Variants in MDGA2 observed in about 807,000 individuals in gnomAD.
MDGA2 encodes the protein MAM domain containing glycosylphosphatidylinositol anchor 2.
A neutral mutation model predicts 117.8 loss-of-function variants in MDGA2; 40 were observed. The observed-to-expected ratio is 0.34, with a 90% CI of 0.26 to 0.44. The LOEUF (loss-of-function observed/expected upper bound fraction) is 0.44, where lower values mean the gene tolerates loss of function less well. Among genes scored for constraint, MDGA2 ranks in the 20% least tolerant of loss-of-function variants. The pLI, the probability that MDGA2 is intolerant of heterozygous loss-of-function variation, is 1.00. For synonymous variants in MDGA2, 452 were observed against 439.0 expected (o/e 1.03, Z -0.37); for missense variants, 1,123 against 1,250.6 (o/e 0.90, Z 1.54).
chr14:47,283,392 C>T (rs147509802), intron 2 of MDGA2, among the ~76,000 whole-genome samples: 1 of 152,130 alleles, frequency 6.6e-6, no homozygotes, highest in Non-Finnish European at 1.5e-5. Flanking sequence ...CTATTTAATG[C>T]AATAAAATTT....
chr14:47,279,872 A>G (rs1166268440), intron 2 of MDGA2, among the ~76,000 whole-genome samples: 1 of 152,102 alleles, frequency 6.6e-6, no homozygotes, highest in African/African-American at 2.4e-5. Context: ...GCTCACAATT[A>G]AAAGGACTAG....
chr14:47,510,050 T>C (rs1182824240), intron 1 of MDGA2, among the ~76,000 whole-genome samples: 5 of 152,070 alleles, frequency 3.3e-5, no homozygotes, highest in Non-Finnish European at 5.9e-5. Context: ...CTCATGAAAA[T>C]TCGTACGTCG....
chr14:47,265,760 TA>T (rs879801631), intron 2 of MDGA2, among the ~76,000 whole-genome samples: 10 of 152,126 alleles, frequency 6.6e-5, no homozygotes, highest in Non-Finnish European at 1.5e-4. Context: ...GTGACATTAC[TA>T]TAATCTTATC....
intron 7 of MDGA2, among the ~76,000 whole-genome samples, chr14:47,057,192 A>G (rs1047588824): frequency 3.3e-5 from 5 of 152,126 alleles, no homozygotes; most frequent in Non-Finnish European, 7.4e-5. Context: ...TCACTAGCGC[A>G]ATGCTACTTT....
intron 1 of MDGA2, among the ~76,000 whole-genome samples, chr14:47,551,132 AC>A (rs1259933531): frequency 6.6e-6 from 1 of 152,244 alleles, no homozygotes; most frequent in Non-Finnish European, 1.5e-5. Flanking sequence ...AAGTTAAAAT[AC>A]AAATCAACTT....
intron 5 of MDGA2, among the ~76,000 whole-genome samples, chr14:47,108,195 T>C (rs1028325298): frequency 1.3e-5 from 2 of 152,172 alleles, no homozygotes; most frequent in African/African-American, 4.8e-5. Flanking sequence ...AGGCCTGTCC[T>C]CGGAATGCTA....
intron 1 of MDGA2, among the ~76,000 whole-genome samples, chr14:47,521,079 T>C (rs1231745786): frequency 1.3e-5 from 2 of 152,196 alleles, no homozygotes; most frequent in Non-Finnish European, 2.9e-5. Flanking sequence ...ACTTCCACTT[T>C]GAAGGCACAC....
At chr14:47,330,955 T>C (rs1890277231) in intron 1 of MDGA2, among the ~76,000 whole-genome samples, 1 of 151,926 alleles carries the variant, frequency 6.6e-6, no homozygotes, top group Non-Finnish European at 1.5e-5. Context: ...TATCTCTATG[T>C]TTCTGTGATG....
intron 9 of MDGA2, among the ~76,000 whole-genome samples, chr14:46,922,840 C>T (rs986020889): frequency 6.6e-6 from 1 of 152,216 alleles, no homozygotes; most frequent in Non-Finnish European, 1.5e-5. Flanking sequence ...CAGCCAGGAT[C>T]TCTCTGGGGC....
intron 1 of MDGA2, among the ~76,000 whole-genome samples, chr14:47,449,988 G>A (rs1893206578): frequency 6.6e-6 from 1 of 151,922 alleles, no homozygotes; most frequent in Non-Finnish European, 1.5e-5. Context: ...CTACAATTTA[G>A]TCACTACTTT....
chr14:47,590,779 C>T (rs1354025446), intron 1 of MDGA2, among the ~76,000 whole-genome samples: 1 of 151,710 alleles, frequency 6.6e-6, no homozygotes, highest in African/African-American at 2.4e-5. Context: ...TACAAGCCTA[C>T]TATGTAACCA....
Position 47,470,534 on chromosome 14 carries a change from G to C in MDGA2, c.281-168984C>G, listed in dbSNP as rs535209840. Among the ~76,000 whole-genome samples, 4 of 152,198 alleles carry C rather than the reference G, an allele frequency of 2.6e-5. No individual in the cohort carries two copies. The East Asian group carries it at 7.7e-4, about 29-fold the overall frequency. Reference sequence around the variant, plus strand: ...CTATCATTGATGGACATTTGGGTTGGTTCCAAGTCTTTGCTATTGTGAATA... The same window carrying C: ...CTATCATTGATGGACATTTGGGTTGCTTCCAAGTCTTTGCTATTGTGAATA... On this transcript the variant is annotated intron_variant, in intron 1 of 16. Transcript: ENST00000399232.
intron 2 of MDGA2, among the ~76,000 whole-genome samples, chr14:47,243,452 A>G (rs544077097): frequency 1.3e-5 from 2 of 151,700 alleles, no homozygotes; most frequent in African/African-American, 4.8e-5. Context: ...TCTTTGCAAT[A>G]AATCTTGCTA....
At chr14:47,584,380 T>C (rs1896283939) in intron 1 of MDGA2, among the ~76,000 whole-genome samples, 1 of 151,842 alleles carries the variant, frequency 6.6e-6, no homozygotes, top group South Asian at 2.1e-4. Context: ...GAGAACATGA[T>C]GGTTGTTCAA....
intron 1 of MDGA2, among the ~76,000 whole-genome samples, chr14:47,306,521 G>A (rs1001209714): frequency 4.6e-5 from 7 of 152,014 alleles, no homozygotes; most frequent in African/African-American, 1.7e-4. Context: ...GGTACAAGGA[G>A]CTTCCTCTCT....
chr14:47,035,269 G>A lies in MDGA2; in HGVS notation c.1561C>T (p.Pro521Ser), dbSNP rs1209878139. 5.6e-6 allele frequency: 9 copies of A among 1,614,004 alleles called. No individual in the cohort carries two copies. The highest frequency in any genetic ancestry group is 7.6e-6 in the Non-Finnish European group (9 of 1,179,964). ...GTGTCTCCTTCTCTGGTGACCAATG[G>A]TGATTTTTCCTGTGGAACAGTCAGA... is the stretch of plus-strand genomic sequence containing the variant. ...PNLTVPQEKS[P>S]LVTREGDTIE... The change falls in exon 8 of 17, where the codon CCA becomes TCA. Residue 521 changes from proline (P) to serine (S), a missense_variant. This residue lies in a region of MDGA2 where 890 missense variants were observed against 1,050.3 expected (regional missense o/e 0.85). Coordinates refer to ENST00000399232, the MANE Select transcript of MDGA2 (RefSeq NM_001113498.3).
chr14:47,103,393 G>C (rs964639520), intron 5 of MDGA2, among the ~76,000 whole-genome samples: 1 of 152,112 alleles, frequency 6.6e-6, no homozygotes, highest in Non-Finnish European at 1.5e-5. Flanking sequence ...TAATATATTA[G>C]AAGTTGATGT....
chr14:47,461,623 C>T (rs1420484721), intron 1 of MDGA2, among the ~76,000 whole-genome samples: 2 of 151,740 alleles, frequency 1.3e-5, no homozygotes, highest in Non-Finnish European at 1.5e-5. Flanking sequence ...CCCAAGAATA[C>T]CTGTAAAGAT....
chr14:47,414,230 AGATAAG>A (rs888608981), intron 1 of MDGA2, among the ~76,000 whole-genome samples: 22 of 152,160 alleles, frequency 1.4e-4, no homozygotes, highest in African/African-American at 5.1e-4. Flanking sequence ...TGAACATTGC[AGATAAG>A]AGCACTGACT....
Sources: allele counts gnomAD v4.1 joint callset (sites outside exome capture counted in the v4.1 genomes callset), GRCh38; gene constraint gnomAD v4.1.1; regional missense constraint gnomAD v4.1.1; transcripts MANE v1.5; gene names NCBI Gene and HGNC (gene_info 2026-07-23, HGNC 2026-07-21).